Variants in IGF2BP1 observed in about 807,000 individuals in gnomAD.
The protein encoded by IGF2BP1 is insulin-like growth factor 2 mRNA-binding protein 1.
A neutral mutation model predicts 74.9 loss-of-function variants in IGF2BP1; 11 were observed. The observed-to-expected ratio is 0.15, with a 90% CI of 0.09 to 0.24. The LOEUF is 0.24. Among genes scored for constraint, IGF2BP1 ranks in the 10% least tolerant of loss-of-function variants. The pLI is 1.00. For missense variants in IGF2BP1, 440 were observed against 757.4 expected (o/e 0.58, Z 4.92); for synonymous variants, 287 against 281.8 (o/e 1.02, Z -0.18).
chr17:49,006,431 A>G (rs944154565), intron 2 of IGF2BP1, among the ~76,000 whole-genome samples: 4 of 152,180 alleles, frequency 2.6e-5, no homozygotes, highest in South Asian at 2.1e-4. Flanking sequence ...CTTGAGCTCA[A>G]TTTCCGTAAC....
At chr17:49,014,723 TG>T in intron 2 of IGF2BP1, 1 of 973,732 alleles carries the variant, frequency 1.0e-6, no homozygotes, top group Non-Finnish European at 1.2e-6. Context: ...CCGCCACTTA[TG>T]GACACGCAGA....
chr17:49,034,589 A>T (rs532826122), intron 5 of IGF2BP1, among the ~76,000 whole-genome samples: 5 of 151,912 alleles, frequency 3.3e-5, no homozygotes, highest in Admixed American at 1.3e-4. Flanking sequence ...AAATTACAAA[A>T]TATTAGCTGG....
chr17:49,015,616 C>T (rs1243986690), intron 2 of IGF2BP1, among the ~76,000 whole-genome samples: 1 of 152,220 alleles, frequency 6.6e-6, no homozygotes, highest in African/African-American at 2.4e-5. Context: ...TTCTCCACTT[C>T]CTCAGTCTAC....
chr17:49,046,382 G>A lies in IGF2BP1; in HGVS notation c.1641+9G>A. ...ATTTCTATGCCAGTCAGGTACATATGGTGCTCCCCCATTGAGGGAGGGCTG... is the reference window on the plus strand; with the variant it reads ...ATTTCTATGCCAGTCAGGTACATATAGTGCTCCCCCATTGAGGGAGGGCTG... On this transcript the variant is annotated intron_variant, in intron 14 of 14. Transcript: ENST00000290341. The A allele has an allele frequency of 1.9e-6, 3 of 1,602,222 alleles. No homozygotes were observed. The highest frequency in any genetic ancestry group is 1.7e-6 in the Non-Finnish European group (2 of 1,169,268).
intron 2 of IGF2BP1, among the ~76,000 whole-genome samples, chr17:49,000,797 A>T (rs904123916): frequency 5.3e-5 from 8 of 152,182 alleles, no homozygotes; most frequent in African/African-American, 7.2e-5. Context: ...TTTAATTTTC[A>T]TGGTGCCCTG....
At position 49,055,663 on chromosome 17, in the gene IGF2BP1, T is replaced by G; in HGVS notation, c.*6219T>G. On this transcript the variant is annotated 3_prime_UTR_variant, in exon 15 of 15. Coordinates refer to ENST00000290341, the MANE Select transcript of IGF2BP1 (RefSeq NM_006546.4). ...CTCTATCACCATTTGGAGTCTCCCTTTTCTCCAGGATCTTGATCCTGGTCC... is the reference window on the plus strand; with the variant it reads ...CTCTATCACCATTTGGAGTCTCCCTGTTCTCCAGGATCTTGATCCTGGTCC... 2.5e-6 allele frequency: 1 copy of G among 398,526 alleles called. No individual in the cohort carries two copies. The highest frequency in any genetic ancestry group is 4.4e-6 in the Non-Finnish European group (1 of 226,028). 24.7% of individuals were successfully genotyped at this position (398,526 alleles called of 1,614,324 possible).
intron 13 of IGF2BP1, 92 bp from the exon 14 acceptor site, chr17:49,046,168 C>A: frequency 6.9e-7 from 1 of 1,438,914 alleles, no homozygotes; most frequent in Non-Finnish European, 9.7e-7. Flanking sequence ...CTGACTCTTC[C>A]AGGTTCTCCC....
In IGF2BP1 at chr17:49,054,551, C is replaced by CT. The variant is rs2042203703; in HGVS notation, c.*5110dup. ...GGGAGGGCTGGCCATGAGGTCCCCA[C>CT]TTTCTGCTTTCCTTGCCCATGTGTC... On this transcript the variant is annotated 3_prime_UTR_variant, in exon 15 of 15. Transcript: ENST00000290341. 1 of 152,430 alleles carries CT rather than the reference C, an allele frequency of 6.6e-6. No homozygotes were observed. The highest frequency in any genetic ancestry group is 2.1e-4 in the South Asian group (1 of 4,838). 9.4% of individuals were successfully genotyped at this position (152,430 alleles called of 1,614,324 possible). A position where few individuals can be genotyped will look rare whatever the true frequency, so the allele number is the denominator to read the frequency against.
In IGF2BP1 at chr17:48,999,135, T is replaced by C; in HGVS notation, c.202T>C (p.Leu68=). 1.3e-6 allele frequency: 2 copies of C among 1,528,360 alleles called. No homozygotes were observed. The highest frequency in any genetic ancestry group is 2.2e-5 in the South Asian group (2 of 89,760). The allele number at this position is 1,528,360 out of a possible 1,614,324, so 94.7% of individuals were successfully genotyped here. Residue 68 remains leucine, a synonymous_variant, in exon 2 of 15, where the codon TTA becomes CTA. Transcript: ENST00000290341. ...SGKVELQGKR[L]EIEHSVPKKQ... is the part of the protein sequence containing the mutation. ...GAAAGTAGAATTACAAGGAAAACGC[T>C]TAGAGATTGAACATTCGGTGCCCAA...
chr17:49,048,897 C>T (rs2042135523), intron 14 of IGF2BP1, among the ~76,000 whole-genome samples: 1 of 151,960 alleles, frequency 6.6e-6, no homozygotes, highest in Admixed American at 6.6e-5. Context: ...ACTTCCCCAC[C>T]CCCACCTCCA....
At chr17:49,028,228 C>T (rs146953815) in intron 4 of IGF2BP1, among the ~76,000 whole-genome samples, 318 of 152,220 alleles carry the variant, frequency 2.1e-3, no homozygotes, top group African/African-American at 7.4e-3. Flanking sequence ...GGACATAAGG[C>T]GGTCTTTAGG....
intron 2 of IGF2BP1, among the ~76,000 whole-genome samples, chr17:49,020,016 A>G (rs544491169): frequency 1.0e-5 from 1 of 99,698 alleles, no homozygotes; most frequent in African/African-American, 4.5e-5. Flanking sequence ...ACACATATAT[A>G]TACACACACA....
intron 1 of IGF2BP1, 135 bp downstream of exon 1, chr17:48,998,055 C>T: frequency 1.1e-6 from 1 of 888,272 alleles, no homozygotes; most frequent in East Asian, 2.8e-5. Flanking sequence ...CCACCCTCGA[C>T]CTACCCCCTT....
chr17:49,004,254 C>G (rs2041520893), intron 2 of IGF2BP1, among the ~76,000 whole-genome samples: 1 of 152,250 alleles, frequency 6.6e-6, no homozygotes, highest in African/African-American at 2.4e-5. Context: ...GTCCTGGGAA[C>G]CCCAGATCGC....
chr17:49,006,373 G>C (rs1431660986), intron 2 of IGF2BP1, among the ~76,000 whole-genome samples: 2 of 152,168 alleles, frequency 1.3e-5, no homozygotes, highest in African/African-American at 4.8e-5. Flanking sequence ...TCCTTTACTG[G>C]GGTCTGGAGG....
At chr17:48,998,372 A>G (rs572756504) in intron 1 of IGF2BP1, among the ~76,000 whole-genome samples, 12 of 152,270 alleles carry the variant, frequency 7.9e-5, no homozygotes, top group African/African-American at 2.9e-4. Context: ...GGGTACCCGG[A>G]CCGCCTGCGA....
rs895960216 is a variant in IGF2BP1, at chr17:49,038,087, A to G, written c.402-81A>G. On this transcript the variant is annotated intron_variant, in intron 5 of 14. Coordinates refer to ENST00000290341, the MANE Select transcript of IGF2BP1 (RefSeq NM_006546.4). ...TTTAGTGTGTTCCAAGCTGTAACTT[A>G]CTAGAGTGCTTTGGCCAAGAGAGCA... 5 of 1,271,276 alleles carry G rather than the reference A, an allele frequency of 3.9e-6. No individual in the cohort carries two copies. The African/African-American group carries it at 7.7e-5, about 20-fold the overall frequency. The allele number at this position is 1,271,276 out of a possible 1,614,324, so 78.7% of individuals were successfully genotyped here.
At chr17:49,030,038 T>C (rs2041904813) in intron 4 of IGF2BP1, among the ~76,000 whole-genome samples, 1 of 152,034 alleles carries the variant, frequency 6.6e-6, no homozygotes, top group Non-Finnish European at 1.5e-5. Context: ...GAGGCTACAA[T>C]GGCCACATCC....
intron 2 of IGF2BP1, among the ~76,000 whole-genome samples, chr17:48,999,714 AC>A (rs1049307820): frequency 1.4e-5 from 2 of 146,952 alleles, no homozygotes; most frequent in African/African-American, 2.5e-5. Flanking sequence ...TTTTCCATGG[AC>A]CCCCCACCCC....
Sources: allele counts gnomAD v4.1 joint callset (sites outside exome capture counted in the v4.1 genomes callset), GRCh38; gene constraint gnomAD v4.1.1; transcripts MANE v1.5; gene names NCBI Gene and HGNC (gene_info 2026-07-23, HGNC 2026-07-21).